Variants in PCDHAC1 observed in about 807,000 individuals in gnomAD.
The protein encoded by PCDHAC1 is protocadherin alpha-C1.
In PCDHAC1, 42 loss-of-function variants were observed where a neutral mutation model predicts 60.0. That is an observed-to-expected ratio of 0.70 (90% CI 0.55 to 0.90). PCDHAC1 has a LOEUF of 0.90. PCDHAC1 is among the 40% of genes least tolerant of loss of function. The probability of loss-of-function intolerance (pLI) is 0.00; values close to 1 mark genes in which losing one functional copy is unlikely to be tolerated. For synonymous variants in PCDHAC1, 468 were observed against 499.3 expected, an observed-to-expected ratio of 0.94 and a Z score of 0.84; for missense variants, 1,160 against 1,222.3, an observed-to-expected ratio of 0.95 and a Z score of 0.76.
rs201932518 is a variant in PCDHAC1, at chr5:140,927,472, G to T, written c.580G>T (p.Glu194Ter). Reference sequence around the variant, plus strand: ...GGTGTTGGAGAAAGCACTGGATCGCGAACAGCGCGCCACCCACCTGCTGGT... The same window carrying T: ...GGTGTTGGAGAAAGCACTGGATCGCTAACAGCGCGCCACCCACCTGCTGGT... The part of the protein sequence containing the change: ...ELVLEKALDR[E>*]QRATHLLVLT... Residue 194 changes from glutamate to a stop codon, truncating the protein, a stop_gained, in exon 1 of 4, where the codon GAA (glutamate) becomes TAA (stop). Transcript: ENST00000253807. LOFTEE classifies it high-confidence loss of function. 2.5e-6 allele frequency: 4 copies of T among 1,614,094 alleles called. No homozygotes were observed. Among genetic ancestry groups the T allele is most frequent in the African/African-American group, 1.3e-5 (1 of 75,068 alleles).
intron 3 of PCDHAC1, among the ~76,000 whole-genome samples, chr5:140,990,902 C>G (rs2097421729): frequency 6.6e-6 from 1 of 152,112 alleles, no homozygotes; most frequent in African/African-American, 2.4e-5. Flanking sequence ...GTTGCTGGGT[C>G]AAGTTTTATA....
Position 141,010,123 on chromosome 5 carries a change from A to G in PCDHAC1, c.*186A>G, listed in dbSNP as rs782357783. The G allele has an allele frequency of 3.7e-6, 6 of 1,605,822 alleles. No individual in the cohort carries two copies. In the East Asian group the frequency reaches 1.3e-4, roughly 36 times the overall value. On this transcript the variant is annotated 3_prime_UTR_variant, in exon 4 of 4. Transcript: ENST00000253807. ...AGGTTTTGTCGTAAAAGCTTTACTA[A>G]GTCTGGTGTTAACTCTTTCTCTCCA...
At position 140,927,734 on chromosome 5, in the gene PCDHAC1, G is replaced by A; in HGVS notation, c.842G>A (p.Arg281Gln). Residue 281 changes from arginine (R) to glutamine (Q), a missense_variant, in exon 1 of 4, where the codon CGA becomes CAA. Coordinates refer to ENST00000253807, the MANE Select transcript of PCDHAC1 (RefSeq NM_018898.5). ...SLSNSTQAELRHRFHVHPKSG... is the reference protein window; with the variant it reads ...SLSNSTQAELQHRFHVHPKSG... ...AGCAACAGCACGCAAGCAGAGCTGC[G>A]ACACCGCTTTCACGTGCACCCTAAA... 6.2e-7 allele frequency: 1 copy of A among 1,614,196 alleles called. No individual in the cohort carries two copies. The highest frequency in any genetic ancestry group is 8.5e-7 in the Non-Finnish European group (1 of 1,180,042).
At chr5:140,930,002 C>T (rs1304233576) in intron 1 of PCDHAC1, 4 of 152,196 alleles carry the variant, frequency 2.6e-5, no homozygotes, top group African/African-American at 9.6e-5. Flanking sequence ...CACCCTAAAA[C>T]ATAGCTGATA....
intron 3 of PCDHAC1, among the ~76,000 whole-genome samples, chr5:141,002,176 G>C (rs1554258553): frequency 6.6e-6 from 1 of 152,242 alleles, no homozygotes; most frequent in Non-Finnish European, 1.5e-5. Context: ...GCAGGCTCCA[G>C]AGTGCTGTCT....
At chr5:140,968,776 A>G (rs1346540500) in intron 1 of PCDHAC1, 4 of 1,614,082 alleles carry the variant, frequency 2.5e-6, no homozygotes, top group Admixed American at 3.3e-5. Context: ...AGCCATCACT[A>G]TCAGCCTCTG....
At position 140,928,573 on chromosome 5, in the gene PCDHAC1, A is replaced by G. The variant is rs1353807568; in HGVS notation, c.1681A>G (p.Arg561Gly). Residue 561 changes from arginine (R) to glycine (G), a missense_variant, in exon 1 of 4, where the codon AGA becomes GGA. Arg to Gly is a moderately radical substitution (Grantham distance 125). Transcript: ENST00000253807. ...NYPVILFPLP[R>G]NGSVPVEIVP... ...TCCGGTTATCTTGTTTCCCTTGCCC[A>G]GAAATGGTTCTGTCCCAGTGGAAAT... 2 of 1,614,110 alleles carry G rather than the reference A, an allele frequency of 1.2e-6. No homozygotes were observed. Among genetic ancestry groups the G allele is most frequent in the African/African-American group, 1.3e-5 (1 of 74,940 alleles).
chr5:140,956,953 C>G (rs1347983778), intron 1 of PCDHAC1, among the ~76,000 whole-genome samples: 1 of 135,202 alleles, frequency 7.4e-6, no homozygotes, highest in Non-Finnish European at 1.7e-5. Flanking sequence ...CATTAAAACA[C>G]TGTAATTAAT....
chr5:140,967,963 A>G (rs1554230144), intron 1 of PCDHAC1: 1 of 1,614,210 alleles, frequency 6.2e-7, no homozygotes, highest in South Asian at 1.1e-5. Flanking sequence ...CCAACCGGAA[A>G]GTGAGCCTGG....
Position 141,010,322 on chromosome 5 carries a change from C to G in PCDHAC1, c.*385C>G. 6.5e-7 allele frequency: 1 copy of G among 1,540,986 alleles called. No homozygotes were observed. The highest frequency in any genetic ancestry group is 8.7e-7 in the Non-Finnish European group (1 of 1,143,174). Reference sequence around the variant, plus strand: ...GCTGAAAAGTTTTGAGATTGAGCAGCTTGGGAGTTTGTGGCCACTGGGTAT... The same window carrying G: ...GCTGAAAAGTTTTGAGATTGAGCAGGTTGGGAGTTTGTGGCCACTGGGTAT... On this transcript the variant is annotated 3_prime_UTR_variant, in exon 4 of 4. Transcript: ENST00000253807.
chr5:140,977,314 C>T (rs905353961), intron 1 of PCDHAC1, among the ~76,000 whole-genome samples: 1 of 152,152 alleles, frequency 6.6e-6, no homozygotes, highest in Non-Finnish European at 1.5e-5. Context: ...AACGATAGTG[C>T]TCCTGATGGC....
chr5:140,954,316 C>T (rs1406547197), intron 1 of PCDHAC1, among the ~76,000 whole-genome samples: 6 of 152,140 alleles, frequency 3.9e-5, no homozygotes, highest in South Asian at 4.1e-4. Context: ...GGGATTGCTG[C>T]GTCAAATGGT....
chr5:140,927,791 G>C lies in PCDHAC1; in HGVS notation c.899G>C (p.Gly300Ala). 6.2e-7 allele frequency: 1 copy of C among 1,614,196 alleles called. No homozygotes were observed. Among genetic ancestry groups the C allele is most frequent in the Admixed American group, 1.7e-5 (1 of 60,034 alleles). Residue 300 changes from glycine (G) to alanine (A), a missense_variant, in exon 1 of 4, where the codon GGT becomes GCT. Gly to Ala is a moderately conservative substitution (Grantham distance 60, BLOSUM62 0). Around this residue, in one of 3 missense-constraint regions of PCDHAC1, gnomAD observed 1,113 missense variants for 1,163.7 expected, o/e 0.96. Transcript: ENST00000253807. ...GAGGTGCAAGTAGCTGCTTCACTAGGTCCGCCTGAAACGCTCTTGGAGGCA... is the reference window on the plus strand; with the variant it reads ...GAGGTGCAAGTAGCTGCTTCACTAGCTCCGCCTGAAACGCTCTTGGAGGCA... ...SGEVQVAASL[G>A]PPETLLEAYI...
At position 140,968,542 on chromosome 5, in the gene PCDHAC1, G is replaced by A. The variant is rs782474856; in HGVS notation, c.2434-10407G>A. On this transcript the variant is annotated intron_variant, in intron 1 of 3. Transcript: ENST00000253807. ...CAACCAACTCGTCAGCAGCCTTCGA[G>A]ATGGTGCCTCGAACTGCCCCTGCTG... is the stretch of plus-strand genomic sequence containing the variant. The A allele has an allele frequency of 1.1e-5, 18 of 1,614,204 alleles. 2 individuals are homozygous for A. In the South Asian group the frequency reaches 2.0e-4, roughly 18 times the overall value.
intron 1 of PCDHAC1, among the ~76,000 whole-genome samples, chr5:140,960,147 T>C (rs2095529138): frequency 6.6e-6 from 1 of 152,322 alleles, no homozygotes; most frequent in Admixed American, 6.5e-5. Context: ...TATTAATAGC[T>C]TGAGACTGAT....
At chr5:140,979,408 GT>G (rs558051720) in intron 2 of PCDHAC1, among the ~76,000 whole-genome samples, 17 of 147,706 alleles carry the variant, frequency 1.2e-4, no homozygotes, top group East Asian at 4.0e-4. Flanking sequence ...TGTCTACCTT[GT>G]TTTTTTTTTA....
At chr5:141,009,439 G>A (rs187486568) in intron 3 of PCDHAC1, among the ~76,000 whole-genome samples, 188 bp from the exon 4 acceptor site, 1 of 152,244 alleles carries the variant, frequency 6.6e-6, no homozygotes, top group East Asian at 1.9e-4. Context: ...GGGAAATCCT[G>A]TCTCAAAAAA....
intron 3 of PCDHAC1, among the ~76,000 whole-genome samples, chr5:141,001,514 C>A (rs2098022369): frequency 6.6e-6 from 1 of 152,210 alleles, no homozygotes; most frequent in Admixed American, 6.5e-5. Flanking sequence ...GCTTAGCTTT[C>A]TCCCTCTCTC....
intron 1 of PCDHAC1, among the ~76,000 whole-genome samples, chr5:140,959,874 A>G (rs1360001985): frequency 1.3e-5 from 2 of 152,236 alleles, no homozygotes; most frequent in Non-Finnish European, 2.9e-5. Flanking sequence ...AAATCTGTCA[A>G]GGAATACACG....
Sources: allele counts gnomAD v4.1 joint callset (sites outside exome capture counted in the v4.1 genomes callset), GRCh38; gene constraint gnomAD v4.1.1; regional missense constraint gnomAD v4.1.1; transcripts MANE v1.5; gene names NCBI Gene and HGNC (gene_info 2026-07-23, HGNC 2026-07-21).